Variants in TSHZ1 observed in about 807,000 individuals in gnomAD.
TSHZ1 encodes teashirt homolog 1.
In TSHZ1, 12 loss-of-function variants were observed where a neutral mutation model predicts 67.1. The ratio of observed to expected loss-of-function variants is 0.18; its 90% CI spans 0.11 to 0.29. TSHZ1 has a LOEUF of 0.29. Among genes scored for constraint, TSHZ1 ranks in the 10% least tolerant of loss-of-function variants. The pLI, the probability that TSHZ1 is intolerant of heterozygous loss-of-function variation, is 1.00. For missense variants in TSHZ1, 1,305 were observed against 1,413.9 expected (o/e 0.92, Z 1.23); for synonymous variants, 632 against 622.4 (o/e 1.02, Z -0.23).
chr18:75,243,112 G>C (rs918230066), intron 1 of TSHZ1, among the ~76,000 whole-genome samples: 1 of 152,188 alleles, frequency 6.6e-6, no homozygotes, highest in African/African-American at 2.4e-5. Flanking sequence ...GCTGGGGCAT[G>C]GCTGGCACCT....
chr18:75,252,067 G>A (rs1365863869), intron 1 of TSHZ1, among the ~76,000 whole-genome samples: 1 of 151,326 alleles, frequency 6.6e-6, no homozygotes, highest in Non-Finnish European at 1.5e-5. Context: ...ATCTATTAAT[G>A]TCTGTCTGTC....
chr18:75,222,268 C>T (rs1372919251), intron 1 of TSHZ1, among the ~76,000 whole-genome samples: 4 of 150,264 alleles, frequency 2.7e-5, no homozygotes, highest in African/African-American at 9.8e-5. Context: ...TATTATTTGT[C>T]AATTTAAAAT....
rs767528792 is a variant in TSHZ1, at chr18:75,286,864, A to G, written c.1457A>G (p.Gln486Arg). 1 of 1,614,166 alleles carries G rather than the reference A, an allele frequency of 6.2e-7. No individual in the cohort carries two copies. Among genetic ancestry groups the G allele is most frequent in the East Asian group, 2.2e-5 (1 of 44,864 alleles). ...CTGCCGGCCTCCAGCATCAAAAAGC[A>G]GCCCGACTCTCCCGCGGGGTCCACG... ...TRLPASSIKK[Q>R]PDSPAGSTTS... Residue 486 changes from glutamine (Q) to arginine (R), a missense_variant, in exon 2 of 2, where the codon CAG becomes CGG. Physicochemically the swap from Gln to Arg is conservative, Grantham distance 43 (BLOSUM62 1). Around this residue, in one of 3 missense-constraint regions of TSHZ1, gnomAD observed 909 missense variants for 961.8 expected, o/e 0.95. Coordinates refer to ENST00000580243, the MANE Select transcript of TSHZ1 (RefSeq NM_001308210.2). This position sits in a 1 kb window ranked among gnomAD's most constrained non-coding sequence, Gnocchi z 5.1.
rs779759428 is a variant in TSHZ1 at position 75,285,989 on chromosome 18, C to G, written c.582C>G (p.Ser194Arg). 24 of 1,602,340 alleles carry G rather than the reference C, an allele frequency of 1.5e-5. No individual in the cohort carries two copies. The highest frequency in any genetic ancestry group is 2.0e-5 in the Non-Finnish European group (24 of 1,175,092). The change falls in exon 2 of 2, where the codon AGC (serine) becomes AGG (arginine). Residue 194 changes from serine to arginine, a missense_variant. Transcript: ENST00000580243. The part of the protein sequence containing the change: ...SHSSTTSTSS[S>R]SGYDWHQAAL... Reference sequence around the variant, plus strand: ...GCAGTACCACCAGTACCAGCAGCAGCTCCGGGTACGACTGGCACCAGGCTG... The same window carrying G: ...GCAGTACCACCAGTACCAGCAGCAGGTCCGGGTACGACTGGCACCAGGCTG...
At chr18:75,236,074 C>T (rs1447078413) in intron 1 of TSHZ1, among the ~76,000 whole-genome samples, 3 of 152,116 alleles carry the variant, frequency 2.0e-5, no homozygotes, top group East Asian at 1.9e-4. Context: ...AGGAAGCTTG[C>T]GTGATAGGAA....
chr18:75,218,765 C>T (rs1229831648), intron 1 of TSHZ1, among the ~76,000 whole-genome samples: 3 of 152,196 alleles, frequency 2.0e-5, no homozygotes, highest in Non-Finnish European at 1.5e-5. Context: ...CGGGACAAGG[C>T]TCAAGTTCAC....
chr18:75,257,077 A>G (rs2023370414), intron 1 of TSHZ1, among the ~76,000 whole-genome samples: 1 of 152,236 alleles, frequency 6.6e-6, no homozygotes, highest in Non-Finnish European at 1.5e-5. Flanking sequence ...ACCCTACTCT[A>G]TCTGCATCGC....
At chr18:75,267,811 A>C (rs1481209686) in intron 1 of TSHZ1, among the ~76,000 whole-genome samples, 1 of 152,234 alleles carries the variant, frequency 6.6e-6, no homozygotes, top group Non-Finnish European at 1.5e-5. Flanking sequence ...GCAGCACAGT[A>C]TCCTGTATGA....
chr18:75,286,925 G>A lies in TSHZ1; in HGVS notation c.1518G>A (p.Lys506=). 6.8e-6 allele frequency: 11 copies of A among 1,614,200 alleles called. No individual in the cohort carries two copies. Among genetic ancestry groups the A allele is most frequent in the Non-Finnish European group, 9.3e-6 (11 of 1,180,022 alleles). Reference sequence around the variant, plus strand: ...AAAAGAAAGAGCCAGAGAAGGAGAAGCCGCCTGTGGCTGGCGACGCGGAGA... The same window carrying A: ...AAAAGAAAGAGCCAGAGAAGGAGAAACCGCCTGTGGCTGGCGACGCGGAGA... ...SEEKKEPEKE[K]PPVAGDAEKI... Residue 506 remains lysine, a synonymous_variant, in exon 2 of 2, where the codon AAG becomes AAA. Coordinates refer to ENST00000580243, the MANE Select transcript of TSHZ1 (RefSeq NM_001308210.2). This position sits in a 1 kb window ranked among gnomAD's most constrained non-coding sequence, Gnocchi z 5.1.
chr18:75,284,551 C>G (rs1255943672), intron 1 of TSHZ1: 1 of 152,258 alleles, frequency 6.6e-6, no homozygotes, highest in Non-Finnish European at 1.5e-5. Context: ...AACTCTGTCC[C>G]CATCCCCTCC....
chr18:75,237,788 T>TTTTATTTATTTA (rs1290756952), intron 1 of TSHZ1, among the ~76,000 whole-genome samples: 152 of 87,808 alleles, frequency 1.7e-3, no homozygotes, highest in South Asian at 0.012. Context: ...GCCTTCTTTC[T>TTTTATTTATTTA]TTCATTTATT....
intron 1 of TSHZ1, chr18:75,280,916 G>A: frequency 1.4e-6 from 1 of 731,746 alleles, no homozygotes; most frequent in Non-Finnish European, 1.7e-6. Flanking sequence ...GATGAGGGAG[G>A]GCCCAGTAGC....
At chr18:75,272,959 C>G (rs1390481672) in intron 1 of TSHZ1, among the ~76,000 whole-genome samples, 2 of 152,160 alleles carry the variant, frequency 1.3e-5, no homozygotes, top group African/African-American at 4.8e-5. Flanking sequence ...ATTGCAAAAG[C>G]TGAGCACCTT....
At chr18:75,247,173 G>A (rs541253109) in intron 1 of TSHZ1, among the ~76,000 whole-genome samples, 1 of 152,178 alleles carries the variant, frequency 6.6e-6, no homozygotes, top group Admixed American at 6.5e-5. Context: ...TTGCCGCATC[G>A]ACCCACCACC....
intron 1 of TSHZ1, among the ~76,000 whole-genome samples, chr18:75,235,729 T>C (rs925999446): frequency 1.3e-5 from 2 of 152,206 alleles, no homozygotes; most frequent in Non-Finnish European, 2.9e-5. Context: ...CATTGAGCAA[T>C]GAAATAAATG....
chr18:75,229,375 T>C (rs1358153272), intron 1 of TSHZ1, among the ~76,000 whole-genome samples: 2 of 152,352 alleles, frequency 1.3e-5, no homozygotes, highest in East Asian at 3.9e-4. Context: ...GGTCCGATGG[T>C]GTGAACTGCT....
chr18:75,274,223 C>G (rs1057001990), intron 1 of TSHZ1, among the ~76,000 whole-genome samples: 3 of 152,048 alleles, frequency 2.0e-5, no homozygotes, highest in Non-Finnish European at 2.9e-5. Context: ...GATCTGGAGT[C>G]TTTGTTTTAT....
At chr18:75,277,502 A>G (rs2023628407) in intron 1 of TSHZ1, among the ~76,000 whole-genome samples, 2 of 152,088 alleles carry the variant, frequency 1.3e-5, no homozygotes, top group Non-Finnish European at 2.9e-5. Context: ...TATTACTCAC[A>G]GTTCTGGGCT....
rs1445878397 is a variant in TSHZ1 at position 75,238,000 on chromosome 18, CG to C, written c.40+26088del. ...GCTAATTTTGTATTTTTAGTAGAGA[CG>C]GGGTTTCTCCATGTTGGTCAGGCTG... On this transcript the variant is annotated intron_variant, in intron 1 of 1. Coordinates refer to ENST00000580243, the MANE Select transcript of TSHZ1 (RefSeq NM_001308210.2). Among the ~76,000 whole-genome samples the C allele has an allele frequency of 2.6e-5, 4 of 152,018 alleles. No individual in the cohort carries two copies. The East Asian group carries it at 7.8e-4, about 29-fold the overall frequency.
Sources: gnomAD v4.1 joint callset for allele counts (sites outside exome capture counted in the v4.1 genomes callset) on GRCh38, gnomAD v4.1.1 for gene constraint, gnomAD v4.1.1 regional missense constraint, Gnocchi (gnomAD v3.1) non-coding constraint, MANE v1.5 for transcripts, NCBI Gene and HGNC (gene_info 2026-07-23, HGNC 2026-07-21) for gene names.